Variants in DOCK2 observed in about 807,000 individuals in gnomAD.
DOCK2 encodes dedicator of cytokinesis protein 2.
Under a neutral mutation model 248.9 loss-of-function variants are expected in DOCK2, and 87 were observed. The ratio of observed to expected loss-of-function variants is 0.35; its 90% CI spans 0.29 to 0.42. The LOEUF (loss-of-function observed/expected upper bound fraction) is 0.42. Among genes scored for constraint, DOCK2 ranks in the 10% least tolerant of loss-of-function variants. The pLI is 1.00. For synonymous variants in DOCK2, 805 were observed against 821.6 expected (o/e 0.98, Z 0.35); for missense variants, 1,747 against 2,300.2 (o/e 0.76, Z 4.92).
In DOCK2 at chr5:169,807,108, G is replaced by T. The variant is rs868354469; in HGVS notation, c.2703+3902G>T. Among the ~76,000 whole-genome samples, 41 of 152,210 alleles carry T rather than the reference G, an allele frequency of 2.7e-4. 1 individual carries two copies. The Middle Eastern group carries it at 0.01, about 38-fold the overall frequency. On this transcript the variant is annotated intron_variant, in intron 26 of 51. Transcript: ENST00000520908. ...CAAAGCGACTGAGAAGAAAAATCTTGCATCAAAAGCAGTAATACCTAGGCC... is the reference window on the plus strand; with the variant it reads ...CAAAGCGACTGAGAAGAAAAATCTTTCATCAAAAGCAGTAATACCTAGGCC...
intron 9 of DOCK2, among the ~76,000 whole-genome samples, chr5:169,693,138 G>A (rs564754891): frequency 3.3e-5 from 5 of 152,130 alleles, no homozygotes. Flanking sequence ...CTAATTTGAG[G>A]AGAGAAGGTA....
intron 27 of DOCK2, among the ~76,000 whole-genome samples, chr5:169,899,073 G>A (rs1052739783): frequency 2.0e-5 from 3 of 152,184 alleles, no homozygotes; most frequent in African/African-American, 7.2e-5. Flanking sequence ...AGTGCAAGAT[G>A]GCAAGTAAAA....
intron 9 of DOCK2, among the ~76,000 whole-genome samples, 154 bp downstream of exon 9, chr5:169,689,487 T>C (rs1007327569): frequency 6.6e-6 from 1 of 152,174 alleles, no homozygotes; most frequent in African/African-American, 2.4e-5. Context: ...CAAAGGACAT[T>C]GTGTGCCTTG....
At chr5:169,974,846 C>A (rs966083158) in intron 27 of DOCK2, among the ~76,000 whole-genome samples, 11 of 150,266 alleles carry the variant, frequency 7.3e-5, no homozygotes, top group Non-Finnish European at 1.3e-4. Flanking sequence ...CTCCCCCCGA[C>A]ACACACACAT....
At chr5:169,899,939 A>G (rs1773824494) in intron 27 of DOCK2, among the ~76,000 whole-genome samples, 1 of 152,190 alleles carries the variant, frequency 6.6e-6, no homozygotes, top group Middle Eastern at 3.2e-3. Flanking sequence ...ATTTTCAGTT[A>G]TGTCATTTCC....
At chr5:170,035,422 G>A (rs1384385162) in intron 35 of DOCK2, among the ~76,000 whole-genome samples, 1 of 151,918 alleles carries the variant, frequency 6.6e-6, no homozygotes, top group Non-Finnish European at 1.5e-5. Context: ...CCTAGATATT[G>A]CCATTGATTT....
At chr5:170,005,257 A>G (rs1754983365) in intron 30 of DOCK2, among the ~76,000 whole-genome samples, 1 of 152,210 alleles carries the variant, frequency 6.6e-6, no homozygotes, top group African/African-American at 2.4e-5. Context: ...GGCAGTTTGT[A>G]GCAGGGCAGA....
At chr5:169,642,485 A>G (rs767607508) in intron 1 of DOCK2, among the ~76,000 whole-genome samples, 1 of 152,226 alleles carries the variant, frequency 6.6e-6, no homozygotes, top group Non-Finnish European at 1.5e-5. Flanking sequence ...CTCAGGAGCA[A>G]TGGGGAAAAG....
chr5:169,799,120 A>G (rs1438763735), intron 25 of DOCK2, among the ~76,000 whole-genome samples: 1 of 152,182 alleles, frequency 6.6e-6, no homozygotes, highest in Non-Finnish European at 1.5e-5. Context: ...CTGGATTGTC[A>G]TCACCATGGC....
intron 27 of DOCK2, among the ~76,000 whole-genome samples, chr5:169,953,718 A>G (rs1207956377): frequency 3.9e-5 from 6 of 152,162 alleles, no homozygotes. Context: ...ACTCCTCATT[A>G]GGGACATGCA....
At chr5:169,723,362 G>T (rs1762304167) in intron 22 of DOCK2, among the ~76,000 whole-genome samples, 1 of 152,118 alleles carries the variant, frequency 6.6e-6, no homozygotes, top group African/African-American at 2.4e-5. Context: ...TATTTAATCT[G>T]CCTAAAGCTC....
At chr5:169,692,839 C>T (rs557194870) in intron 9 of DOCK2, among the ~76,000 whole-genome samples, 2 of 152,258 alleles carry the variant, frequency 1.3e-5, no homozygotes, top group South Asian at 4.2e-4. Context: ...GAGTCTTCAC[C>T]GTGGTCTTCT....
At chr5:169,696,778 C>G (rs572606999) in intron 10 of DOCK2, among the ~76,000 whole-genome samples, 2 of 152,000 alleles carry the variant, frequency 1.3e-5, no homozygotes, top group East Asian at 3.9e-4. Flanking sequence ...TCCCCTGGCA[C>G]TGCTTGCAAA....
Position 169,637,277 on chromosome 5 carries a change from C to T in DOCK2, c.-50C>T. The T allele has an allele frequency of 1.4e-6, 2 of 1,430,654 alleles. No individual in the cohort carries two copies. The highest frequency in any genetic ancestry group is 9.1e-7 in the Non-Finnish European group (1 of 1,094,950). 88.6% of individuals were successfully genotyped at this position (1,430,654 alleles called of 1,614,324 possible). ...GGAAGTGGGGCCCTGCGGCGCCCAG[C>T]CACCCCCTGACGGCTTCCCCACGGG... On this transcript the variant is annotated 5_prime_UTR_variant, in exon 1 of 52. Coordinates refer to ENST00000520908, the MANE Select transcript of DOCK2 (RefSeq NM_004946.3).
At chr5:169,911,575 G>A (rs1774601791) in intron 27 of DOCK2, among the ~76,000 whole-genome samples, 2 of 152,184 alleles carry the variant, frequency 1.3e-5, no homozygotes, top group East Asian at 3.9e-4. Flanking sequence ...TATACTTTAT[G>A]AGGACATAAT....
At chr5:169,801,562 C>G (rs1332373476) in intron 25 of DOCK2, among the ~76,000 whole-genome samples, 1 of 152,128 alleles carries the variant, frequency 6.6e-6, no homozygotes, top group Non-Finnish European at 1.5e-5. Context: ...TATGAACGTT[C>G]CCTCAAGATT....
intron 32 of DOCK2, among the ~76,000 whole-genome samples, chr5:170,018,710 CT>C (rs1368337221): frequency 6.6e-6 from 1 of 152,158 alleles, no homozygotes; most frequent in Non-Finnish European, 1.5e-5. Flanking sequence ...CAGTGAAGTG[CT>C]TTCTACACGC....
At chr5:169,840,172 A>G (rs1769858523) in intron 26 of DOCK2, among the ~76,000 whole-genome samples, 1 of 152,224 alleles carries the variant, frequency 6.6e-6, no homozygotes, top group East Asian at 1.9e-4. Context: ...CTCACGGTAG[A>G]AGGCAAGGCA....
rs2113460956 is a variant in DOCK2 at position 169,871,873 on chromosome 5, G to T, written c.2799+31021G>T. 1.3e-5 allele frequency among the ~76,000 whole-genome samples: 2 copies of T among 152,244 alleles called. 1 individual carries two copies. The highest frequency in any genetic ancestry group is 6.8e-3 in the Middle Eastern group (2 of 294). On this transcript the variant is annotated intron_variant, in intron 27 of 51. Coordinates refer to ENST00000520908, the MANE Select transcript of DOCK2 (RefSeq NM_004946.3). ...ATTTCAGGGCAGCCTTGAAAGGGAG[G>T]CTGCATACCCAAAAAAGGTGCTCTC... is the stretch of plus-strand genomic sequence containing the variant.
Sources: gnomAD v4.1 joint callset for allele counts (sites outside exome capture counted in the v4.1 genomes callset) on GRCh38, gnomAD v4.1.1 for gene constraint, MANE v1.5 for transcripts, NCBI Gene and HGNC (gene_info 2026-07-23, HGNC 2026-07-21) for gene names.